The following ALK variants were observed in gnomAD, a reference collection of about 807,000 sequenced individuals.
ALK encodes ALK tyrosine kinase receptor.
Under a neutral mutation model 163.1 loss-of-function variants are expected in ALK, and 74 were observed. The ratio of observed to expected loss-of-function variants is 0.45; its 90% CI spans 0.38 to 0.55. ALK has a LOEUF of 0.55. Ranked by LOEUF, ALK falls within the 20% of genes least tolerant of loss-of-function variation. The pLI, the probability that ALK is intolerant of heterozygous loss-of-function variation, is 0.00. For synonymous variants in ALK, 960 were observed against 843.2 expected (o/e 1.14, Z -2.40); for missense variants, 2,063 against 2,105.3 (o/e 0.98, Z 0.39).
At chr2:29,662,925 T>C (rs1451302800) in intron 3 of ALK, among the ~76,000 whole-genome samples, 1 of 152,156 alleles carries the variant, frequency 6.6e-6, no homozygotes, top group African/African-American at 2.4e-5. Flanking sequence ...CTGCTATGTA[T>C]TGCTCTCCAG....
chr2:29,195,554 A>T (rs1166130716), intron 28 of ALK, among the ~76,000 whole-genome samples: 1 of 152,206 alleles, frequency 6.6e-6, no homozygotes, highest in Non-Finnish European at 1.5e-5. Context: ...CAAAATGGTG[A>T]AACACCATCT....
At position 29,228,939 on chromosome 2, in the gene ALK, A is replaced by ACC; in HGVS notation, c.2758_2759dup (p.Phe921ValfsTer19). 4.2e-6 allele frequency: 6 copies of ACC among 1,412,012 alleles called. No homozygotes were observed. The highest frequency in any genetic ancestry group is 1.9e-5 in the Admixed American group (1 of 53,902). 87.5% of individuals were successfully genotyped at this position (1,412,012 alleles called of 1,614,324 possible). ...AGCACCCCCCTCCACCCCCTCCGAA[A>ACC]CCCCCTCTTGTCTCCCACCCCCACT... On this transcript the variant is annotated frameshift_variant, in exon 16 of 29. Transcript: ENST00000389048. LOFTEE classifies it high-confidence loss of function.
At chr2:29,328,272 ATGCCTGGGATAATGGG>A in intron 6 of ALK, 62 bp downstream of exon 6, 2 of 1,607,730 alleles carry the variant, frequency 1.2e-6, no homozygotes, top group South Asian at 1.1e-5. Flanking sequence ...CCATGCTCTC[ATGCCTGGGATAATGGG>A]GACAACGGGG....
At chr2:29,337,554 G>C (rs1667654935) in intron 5 of ALK, among the ~76,000 whole-genome samples, 1 of 152,232 alleles carries the variant, frequency 6.6e-6, no homozygotes, top group Non-Finnish European at 1.5e-5. Context: ...CCTGACTTCA[G>C]TCCTATAGAA....
At chr2:29,683,344 T>C (rs1048922478) in intron 3 of ALK, among the ~76,000 whole-genome samples, 7 of 151,806 alleles carry the variant, frequency 4.6e-5, no homozygotes, top group Non-Finnish European at 1.0e-4. Flanking sequence ...GTCACTGCAC[T>C]CCAGCCTGGG....
intron 3 of ALK, among the ~76,000 whole-genome samples, chr2:29,573,384 C>T (rs573105560): frequency 6.6e-6 from 1 of 152,336 alleles, no homozygotes; most frequent in African/African-American, 2.4e-5. Flanking sequence ...AGGCCAAATC[C>T]AGTCTAACAC....
At chr2:29,859,854 G>A (rs908318474) in intron 1 of ALK, among the ~76,000 whole-genome samples, 5 of 152,170 alleles carry the variant, frequency 3.3e-5, no homozygotes, top group African/African-American at 7.2e-5. Context: ...CGGAAGATGT[G>A]AAAATTTGAC....
intron 4 of ALK, among the ~76,000 whole-genome samples, chr2:29,490,122 G>A (rs913695709): frequency 6.6e-6 from 1 of 152,228 alleles, no homozygotes; most frequent in Non-Finnish European, 1.5e-5. Flanking sequence ...GCTAGGCAGC[G>A]AGTATGCCTT....
chr2:29,502,901 CTAGAG>C (rs1266592818), intron 4 of ALK, among the ~76,000 whole-genome samples: 1 of 152,242 alleles, frequency 6.6e-6, no homozygotes, highest in African/African-American at 2.4e-5. Context: ...TCCAGTAAAA[CTAGAG>C]TAAACAGGTA....
intron 1 of ALK, among the ~76,000 whole-genome samples, chr2:29,760,624 G>C (rs1429581616): frequency 6.6e-6 from 1 of 152,144 alleles, no homozygotes; most frequent in Non-Finnish European, 1.5e-5. Flanking sequence ...TCAATGACCT[G>C]GTCCAGGTGA....
chr2:29,518,326 A>G (rs528092926), intron 4 of ALK, among the ~76,000 whole-genome samples: 43 of 152,332 alleles, frequency 2.8e-4, no homozygotes, highest in Admixed American at 3.9e-4. Context: ...GGGATGACAA[A>G]CAAAGCAAGA....
intron 2 of ALK, among the ~76,000 whole-genome samples, chr2:29,696,530 TAAAAAAAAA>T (rs60320646): frequency 9.6e-6 from 1 of 103,850 alleles, no homozygotes; most frequent in East Asian, 2.7e-4. Flanking sequence ...CTTAAAGGAT[TAAAAAAAAA>T]AAAAAAAAAA....
At chr2:29,663,046 A>T (rs1448069735) in intron 3 of ALK, among the ~76,000 whole-genome samples, 1 of 152,004 alleles carries the variant, frequency 6.6e-6, no homozygotes, top group African/African-American at 2.4e-5. Flanking sequence ...TATTAGGCTA[A>T]TACTCCTTCC....
chr2:29,213,856 A>T (rs890179775), intron 24 of ALK, 128 bp downstream of exon 24: 1 of 808,580 alleles, frequency 1.2e-6, no homozygotes, highest in East Asian at 2.6e-5. Flanking sequence ...ATCATCCTAC[A>T]TCCAAATGGC....
intron 1 of ALK, among the ~76,000 whole-genome samples, chr2:29,883,673 A>C (rs4535004): frequency 3.3e-5 from 5 of 151,944 alleles, no homozygotes; most frequent in Admixed American, 2.6e-4. Flanking sequence ...AGACCTGCTC[A>C]CTCCTTGAAG....
intron 4 of ALK, among the ~76,000 whole-genome samples, chr2:29,485,882 G>C (rs551024121): frequency 6.6e-6 from 1 of 152,112 alleles, no homozygotes. Flanking sequence ...GATCCTTTTT[G>C]TGGTTGTGGG....
At chr2:29,197,516 C>T (rs557967268) in intron 27 of ALK, 26 bp downstream of exon 27, 6 of 1,612,416 alleles carry the variant, frequency 3.7e-6, no homozygotes, top group Non-Finnish European at 5.1e-6. Context: ...TAGTAACTAG[C>T]AGAAGTGTTC....
chr2:29,706,961 AAC>A (rs1362818168), intron 2 of ALK, among the ~76,000 whole-genome samples: 3 of 137,990 alleles, frequency 2.2e-5, no homozygotes, highest in Non-Finnish European at 4.7e-5. Flanking sequence ...ATTTCCAGGA[AAC>A]ACTCATGCAG....
At chr2:29,404,415 T>C (rs1334920581) in intron 4 of ALK, among the ~76,000 whole-genome samples, 3 of 151,852 alleles carry the variant, frequency 2.0e-5, no homozygotes, top group Admixed American at 1.3e-4. Flanking sequence ...GCATGCAGAG[T>C]TGATATACAA....
Sources: allele counts gnomAD v4.1 joint callset (sites outside exome capture counted in the v4.1 genomes callset), GRCh38; gene constraint gnomAD v4.1.1; transcripts MANE v1.5; gene names NCBI Gene and HGNC (gene_info 2026-07-23, HGNC 2026-07-21).